Variants in ADCY7 observed in about 807,000 individuals in gnomAD.
ADCY7 encodes the protein adenylate cyclase type 7.
Under a neutral mutation model 120.6 loss-of-function variants are expected in ADCY7, and 72 were observed. The ratio of observed to expected loss-of-function variants is 0.60; its 90% confidence interval spans 0.49 to 0.73. The LOEUF is 0.73. ADCY7 is among the 30% of genes least tolerant of loss of function. ADCY7 has a pLI of 0.00. For missense variants in ADCY7, 1,227 were observed against 1,486.0 expected (o/e 0.83, Z 2.87); for synonymous variants, 661 against 628.0 (o/e 1.05, Z -0.78).
At position 50,313,961 on chromosome 16, in the gene ADCY7, C is replaced by T; in HGVS notation, c.2755C>T (p.Leu919=). The T allele has an allele frequency of 1.2e-6, 2 of 1,613,288 alleles. No homozygotes were observed. The highest frequency in any genetic ancestry group is 1.7e-6 in the Non-Finnish European group (2 of 1,179,356). Residue 919 remains leucine, a synonymous_variant, in exon 23 of 26, where the codon CTA becomes TTA. Transcript: ENST00000673801. ...NEIIADFDEL[L]LKPKFSGVEK... ...ACCGCTTCCTTCTTGCCTGCAGCTCCTACTGAAGCCCAAGTTCAGCGGCGT... is the reference window on the plus strand; with the variant it reads ...ACCGCTTCCTTCTTGCCTGCAGCTCTTACTGAAGCCCAAGTTCAGCGGCGT...
Position 50,318,120 on chromosome 16 carries a change from A to C in ADCY7, c.*2615A>C, listed in dbSNP as rs995592724. On this transcript the variant is annotated 3_prime_UTR_variant, in exon 26 of 26. Coordinates refer to ENST00000673801, the MANE Select transcript of ADCY7 (RefSeq NM_001114.5). Reference sequence around the variant, plus strand: ...CTGCTTTTTATACATTAAATTAGCAATTTGAAAAACTCAAATATCTGAAGG... The same window carrying C: ...CTGCTTTTTATACATTAAATTAGCACTTTGAAAAACTCAAATATCTGAAGG... 5 of 152,312 alleles carry C rather than the reference A, an allele frequency of 3.3e-5. No individual in the cohort carries two copies. Among genetic ancestry groups the C allele is most frequent in the African/African-American group, 1.2e-4 (5 of 41,472 alleles). The allele number at this position is 152,312 out of a possible 1,614,324, so 9.4% of individuals were successfully genotyped here. A position where few individuals can be genotyped will look rare whatever the true frequency, so the allele number is the denominator to read the frequency against.
Position 50,290,544 on chromosome 16 carries a change from T to G in ADCY7, c.259T>G (p.Cys87Gly). ...CCTCTCTGTGCTGATGTACGTCGAGTGTCTCCTGCGGCGCTGGCTCAGGGC... is the reference window on the plus strand; with the variant it reads ...CCTCTCTGTGCTGATGTACGTCGAGGGTCTCCTGCGGCGCTGGCTCAGGGC... ...AALSVLMYVE[C>G]LLRRWLRALA... Residue 87 changes from cysteine to glycine, a missense_variant, in exon 3 of 26, where the codon TGT becomes GGT. Cys to Gly is a radical substitution (Grantham distance 159). Around this residue, in one of 5 missense-constraint regions of ADCY7, gnomAD observed 382 missense variants for 411.4 expected, o/e 0.93. Transcript: ENST00000673801. The G allele has an allele frequency of 6.2e-7, 1 of 1,614,144 alleles. No homozygotes were observed. The highest frequency in any genetic ancestry group is 1.7e-5 in the Admixed American group (1 of 60,022).
chr16:50,248,646 A>G lies in ADCY7; in HGVS notation c.-64+2443A>G, dbSNP rs916658270. Among the ~76,000 whole-genome samples the G allele has an allele frequency of 2.0e-5, 3 of 152,288 alleles. No homozygotes were observed. In the East Asian group the frequency reaches 5.8e-4, roughly 29 times the overall value. On this transcript the variant is annotated intron_variant, in intron 1 of 4. Transcript: ENST00000564044. The stretch of plus-strand genomic sequence containing the variant: ...TTTAGTCGTGCTTTCTGTGTTTTCA[A>G]AATTGTCGGCAATGAGGAAGAAAAG...
chr16:50,296,342 C>T (rs570080887), intron 7 of ADCY7, among the ~76,000 whole-genome samples: 10 of 150,994 alleles, frequency 6.6e-5, no homozygotes, highest in African/African-American at 2.4e-4. Flanking sequence ...CATGCACCAT[C>T]ATGCCCTGCC....
Position 50,293,444 on chromosome 16 carries a change from C to A in ADCY7, c.778C>A (p.Arg260Ser), listed in dbSNP as rs151207781. The A allele has an allele frequency of 4.3e-6, 7 of 1,614,076 alleles. No individual in the cohort carries two copies. Among genetic ancestry groups the A allele is most frequent in the Admixed American group, 1.7e-5 (1 of 60,030 alleles). Reference protein sequence around the residue: ...IERLKEHGDRRCMPDNNFHSL... With the variant: ...IERLKEHGDRSCMPDNNFHSL... Reference sequence around the variant, plus strand: ...ACGGCTCAAGGAGCATGGTGACCGTCGCTGCATGCCTGACAACAACTTCCA... The same window carrying A: ...ACGGCTCAAGGAGCATGGTGACCGTAGCTGCATGCCTGACAACAACTTCCA... Residue 260 changes from arginine to serine, a missense_variant, in exon 6 of 26, where the codon CGC (arginine) becomes AGC (serine). Arg to Ser is a moderately radical substitution (Grantham distance 110). Transcript: ENST00000673801.
rs1402107779 is a variant in ADCY7 at position 50,316,139 on chromosome 16, G to GA, written c.*636dup. Reference sequence around the variant, plus strand: ...ACATTAATGGGGTTTTTATCCTTTTGAATGACTTTTCAGACACTAGACATA... The same window carrying GA: ...ACATTAATGGGGTTTTTATCCTTTTGAAATGACTTTTCAGACACTAGACATA... On this transcript the variant is annotated 3_prime_UTR_variant, in exon 26 of 26. Transcript: ENST00000673801. 7 of 152,594 alleles carry GA rather than the reference G, an allele frequency of 4.6e-5. No homozygotes were observed. The highest frequency in any genetic ancestry group is 1.7e-4 in the African/African-American group (7 of 41,452). The allele number at this position is 152,594 out of a possible 1,614,324, so 9.5% of individuals were successfully genotyped here. A position where few individuals can be genotyped will look rare whatever the true frequency, so the allele number is the denominator to read the frequency against.
chr16:50,263,036 A>C (rs889420192), upstream of ADCY7, among the ~76,000 whole-genome samples: 8 of 152,222 alleles, frequency 5.3e-5, no homozygotes, highest in African/African-American at 1.7e-4. Context: ...AGGGAGGGTC[A>C]GGAGCATGGG....
chr16:50,264,833 C>CTTTTT (rs34527039), upstream of ADCY7, among the ~76,000 whole-genome samples: 2 of 110,326 alleles, frequency 1.8e-5, no homozygotes, highest in Admixed American at 1.0e-4. Context: ...TGTGGGAGGT[C>CTTTTT]TTTTTTTTTT....
At position 50,315,511 on chromosome 16, in the gene ADCY7, C is replaced by T; in HGVS notation, c.*6C>T. On this transcript the variant is annotated 3_prime_UTR_variant, in exon 26 of 26. Coordinates refer to ENST00000673801, the MANE Select transcript of ADCY7 (RefSeq NM_001114.5). Reference sequence around the variant, plus strand: ...AGGGGCTGGGGCTGAACTGAGGGCTCCTGCTGGATTCCGAAAAGGCCGGGA... The same window carrying T: ...AGGGGCTGGGGCTGAACTGAGGGCTTCTGCTGGATTCCGAAAAGGCCGGGA... 2 of 1,602,272 alleles carry T rather than the reference C, an allele frequency of 1.2e-6. No individual in the cohort carries two copies. The highest frequency in any genetic ancestry group is 1.1e-5 in the South Asian group (1 of 90,882).
Position 50,308,357 on chromosome 16 carries a change from G to T in ADCY7, c.1881G>T (p.Leu627=). Residue 627 remains leucine (L), a synonymous_variant, in exon 16 of 26, where the codon CTG becomes CTT. Coordinates refer to ENST00000673801, the MANE Select transcript of ADCY7 (RefSeq NM_001114.5). ...CGGCACTGGGTGTGTCCTTCGGGCT[G>T]GTGGCCTGTGTACTGGGGCTGGTGC... ...RTAALGVSFG[L]VACVLGLVLG... The T allele has an allele frequency of 6.2e-7, 1 of 1,614,186 alleles. No individual in the cohort carries two copies. The highest frequency in any genetic ancestry group is 8.5e-7 in the Non-Finnish European group (1 of 1,180,030).
At chr16:50,263,940 C>G (rs552535118), upstream of ADCY7, among the ~76,000 whole-genome samples, 2 of 152,182 alleles carry the variant, frequency 1.3e-5, no homozygotes, top group African/African-American at 2.4e-5. Context: ...ACCATGCCCT[C>G]CTGCATACGC....
upstream of ADCY7, among the ~76,000 whole-genome samples, chr16:50,263,440 G>A (rs1452687315): frequency 6.6e-6 from 1 of 152,144 alleles, no homozygotes; most frequent in Non-Finnish European, 1.5e-5. Flanking sequence ...GGCAGCCTGG[G>A]AGGGCAGGAG....
At position 50,291,638 on chromosome 16, in the gene ADCY7, G is replaced by A. The variant is rs141840808; in HGVS notation, c.376-98G>A. The A allele has an allele frequency of 3.9e-3, 5,694 of 1,447,638 alleles. 15 individuals carry two copies. Among genetic ancestry groups the A allele is most frequent in the Non-Finnish European group, 4.9e-3 (5,111 of 1,045,366 alleles). The allele number at this position is 1,447,638 out of a possible 1,614,324, so 89.7% of individuals were successfully genotyped here. Reference sequence around the variant, plus strand: ...GGGGTGGCGAGGGAGCCAACCTAAGGATACGCACTGGGTGGGCTGCTGTGG... The same window carrying A: ...GGGGTGGCGAGGGAGCCAACCTAAGAATACGCACTGGGTGGGCTGCTGTGG... On this transcript the variant is annotated intron_variant, in intron 3 of 25. Transcript: ENST00000673801.
intron 20 of ADCY7, 71 bp from the exon 21 acceptor site, chr16:50,311,965 G>T: frequency 1.9e-6 from 3 of 1,595,524 alleles, no homozygotes; most frequent in Non-Finnish European, 1.7e-6. Context: ...GACAGACCTG[G>T]CTAGGAGATG....
chr16:50,287,790 G>A (rs557850791), intron 1 of ADCY7, 122 bp from the exon 2 acceptor site: 1 of 190,414 alleles, frequency 5.3e-6, no homozygotes, highest in African/African-American at 2.3e-5. Flanking sequence ...TAAAAGTTAG[G>A]TTAGGGTTAA....
intron 1 of ADCY7, among the ~76,000 whole-genome samples, chr16:50,276,756 G>C (rs2033918391): frequency 6.6e-6 from 1 of 151,974 alleles, no homozygotes; most frequent in South Asian, 2.1e-4. Flanking sequence ...ACTGTGCCTG[G>C]CTTAGTTTTA....
intron 1 of ADCY7, among the ~76,000 whole-genome samples, chr16:50,248,625 G>A (rs975228600): frequency 6.6e-6 from 1 of 152,202 alleles, no homozygotes; most frequent in Non-Finnish European, 1.5e-5. Context: ...TTCTTATTTA[G>A]TCGTGCTTTC....
At position 50,314,420 on chromosome 16, in the gene ADCY7, A is replaced by G; in HGVS notation, c.2971+14A>G. 5 of 1,608,756 alleles carry G rather than the reference A, an allele frequency of 3.1e-6. No homozygotes were observed. Among genetic ancestry groups the G allele is most frequent in the South Asian group, 2.2e-5 (2 of 90,916 alleles). The stretch of plus-strand genomic sequence containing the variant: ...GCCTCCGCGTCGGTGAGCCCGGGTG[A>G]TGGAGCGGGGTGGGGAGCCCCTGCC... On this transcript the variant is annotated intron_variant, in intron 24 of 25. Coordinates refer to ENST00000673801, the MANE Select transcript of ADCY7 (RefSeq NM_001114.5).
At position 50,290,478 on chromosome 16, in the gene ADCY7, A is replaced by G. The variant is rs183712696; in HGVS notation, c.193A>G (p.Ile65Val). ...CCAGGACCCCTCCAGACACCAGGCC[A>G]TTCTGGGCATGGCGTTCCTGGTGCT... ...SQGDPSRHQA[I>V]LGMAFLVLAV... Residue 65 changes from isoleucine (I) to valine (V), a missense_variant, in exon 3 of 26, where the codon ATT (isoleucine) becomes GTT (valine). Ile to Val is a conservative substitution (Grantham distance 29). Coordinates refer to ENST00000673801, the MANE Select transcript of ADCY7 (RefSeq NM_001114.5). 1.2e-6 allele frequency: 2 copies of G among 1,614,160 alleles called. No individual in the cohort carries two copies. Among genetic ancestry groups the G allele is most frequent in the East Asian group, 4.5e-5 (2 of 44,880 alleles).
Sources: allele counts gnomAD v4.1 joint callset (sites outside exome capture counted in the v4.1 genomes callset), GRCh38; gene constraint gnomAD v4.1.1; regional missense constraint gnomAD v4.1.1; transcripts MANE v1.5; gene names NCBI Gene and HGNC (gene_info 2026-07-23, HGNC 2026-07-21).